The following ATG7 variants were observed in gnomAD, a reference collection of about 807,000 sequenced individuals.
ATG7 encodes the protein ubiquitin-like modifier-activating enzyme ATG7.
ATG7 carries 70 observed loss-of-function variants against 82.4 expected under a neutral mutation model. The ratio of observed to expected loss-of-function variants is 0.85; its 90% CI spans 0.70 to 1.04. The LOEUF is 1.04. Among genes scored for constraint, ATG7 ranks in the 50% least tolerant of loss-of-function variants. ATG7 has a pLI of 0.00. For synonymous variants in ATG7, 287 were observed against 313.0 expected (o/e 0.92, Z 0.88); for missense variants, 792 against 864.3 (o/e 0.92, Z 1.05).
chr3:11,355,229 T>C (rs1436440966), intron 14 of ATG7, among the ~76,000 whole-genome samples: 2 of 152,192 alleles, frequency 1.3e-5, no homozygotes, highest in Non-Finnish European at 2.9e-5. Context: ...GAGTTCTGTA[T>C]ACGGAGTGGA....
At chr3:11,371,025 C>A (rs569052593) in intron 18 of ATG7, among the ~76,000 whole-genome samples, 2 of 151,036 alleles carry the variant, frequency 1.3e-5, no homozygotes, top group Admixed American at 6.6e-5. Flanking sequence ...CTCCTATGTT[C>A]CTATTTGGAG....
chr3:11,369,642 A>G (rs1156709294), intron 18 of ATG7, among the ~76,000 whole-genome samples: 1 of 151,226 alleles, frequency 6.6e-6, no homozygotes, highest in East Asian at 1.9e-4. Context: ...GTATAGGTCT[A>G]ACAATGTCTG....
At chr3:11,469,556 G>A (rs2087213265) in intron 20 of ATG7, among the ~76,000 whole-genome samples, 1 of 152,184 alleles carries the variant, frequency 6.6e-6, no homozygotes, top group African/African-American at 2.4e-5. Flanking sequence ...TCTTAAAGGA[G>A]TGATGATACA....
In ATG7 at chr3:11,514,468, G is replaced by A. The variant is rs2092199892; in HGVS notation, c.2080-40343G>A. ...CTCTGGTGATTTTCCCACCGGGAGA[G>A]GGAGACATGAGATGTGGCTTCCTGT... On this transcript the variant is annotated intron_variant, in intron 20 of 20. Transcript: ENST00000693202. Among the ~76,000 whole-genome samples, 3 of 152,342 alleles carry A rather than the reference G, an allele frequency of 2.0e-5. No individual in the cohort carries two copies. The South Asian group carries it at 6.2e-4, about 32-fold the overall frequency.
chr3:11,548,461 A>G (rs1044207608), intron 20 of ATG7, among the ~76,000 whole-genome samples: 1 of 152,196 alleles, frequency 6.6e-6, no homozygotes, highest in Non-Finnish European at 1.5e-5. Context: ...TTTAAAATAT[A>G]TAAGATATAT....
chr3:11,533,625 T>C (rs929598453), intron 20 of ATG7, among the ~76,000 whole-genome samples: 2 of 150,992 alleles, frequency 1.3e-5, no homozygotes, highest in African/African-American at 4.9e-5. Context: ...GAAAAACTCA[T>C]TAAAAACTGC....
chr3:11,349,801 T>C (rs1486218571), intron 14 of ATG7, among the ~76,000 whole-genome samples: 3 of 152,216 alleles, frequency 2.0e-5, no homozygotes, highest in African/African-American at 7.2e-5. Flanking sequence ...CAAGTCTTCA[T>C]GAAGAAGAAA....
At chr3:11,376,975 A>G (rs1277849916) in intron 18 of ATG7, among the ~76,000 whole-genome samples, 1 of 152,098 alleles carries the variant, frequency 6.6e-6, no homozygotes, top group Non-Finnish European at 1.5e-5. Context: ...TCCTGACCTC[A>G]TCATCCGCCC....
At chr3:11,552,359 T>C (rs2125065709) in intron 20 of ATG7, among the ~76,000 whole-genome samples, 1 of 152,316 alleles carries the variant, frequency 6.6e-6, no homozygotes, top group South Asian at 2.1e-4. Flanking sequence ...TGAGTATTGA[T>C]ATTTTTTAAA....
rs778126169 is a variant in ATG7 at position 11,298,726 on chromosome 3, T to A, written c.31T>A (p.Ser11Thr). ...GGCAGCTACGGGGGATCCTGGACTC[T>A]CTAAACTGCAGTTTGCCCCTTTTAG... MAAATGDPGL[S>T]KLQFAPFSSA... Residue 11 changes from serine (S) to threonine (T), a missense_variant, in exon 4 of 21, where the codon TCT becomes ACT. Coordinates refer to ENST00000693202, the MANE Select transcript of ATG7 (RefSeq NM_001349232.2). 53 of 1,614,096 alleles carry A rather than the reference T, an allele frequency of 3.3e-5. 1 individual carries two copies. The South Asian group carries it at 5.3e-4, about 16-fold the overall frequency.
chr3:11,368,229 T>TAAAAAAAAAA (rs760208581), intron 18 of ATG7, among the ~76,000 whole-genome samples: 1 of 109,340 alleles, frequency 9.1e-6, no homozygotes, highest in African/African-American at 3.4e-5. Flanking sequence ...TTCTTTTACT[T>TAAAAAAAAAA]AAAAAAAAAA....
At chr3:11,426,965 T>C (rs1332252599) in intron 20 of ATG7, 39 bp downstream of exon 20, 1 of 1,517,092 alleles carries the variant, frequency 6.6e-7, no homozygotes, top group East Asian at 2.4e-5. Flanking sequence ...AAGACTGACA[T>C]GCTTAAAACT....
chr3:11,331,714 C>G (rs1419670706), intron 10 of ATG7, among the ~76,000 whole-genome samples: 1 of 152,154 alleles, frequency 6.6e-6, no homozygotes, highest in African/African-American at 2.4e-5. Flanking sequence ...GTAGCCCTCC[C>G]TTCTAGCTGT....
intron 20 of ATG7, among the ~76,000 whole-genome samples, chr3:11,484,547 CTTTTA>C (rs566371820): frequency 1.8e-3 from 270 of 152,116 alleles, no homozygotes; most frequent in African/African-American, 5.9e-3. Context: ...TTTTCTTTTT[CTTTTA>C]TTTTATTATT....
At chr3:11,383,919 TAAAAC>T (rs1051777564) in intron 19 of ATG7, among the ~76,000 whole-genome samples, 6 of 152,250 alleles carry the variant, frequency 3.9e-5, no homozygotes, top group South Asian at 2.1e-4. Flanking sequence ...GTATGAATCT[TAAAAC>T]AACTCCGTAA....
chr3:11,382,990 G>A (rs1395562663), intron 19 of ATG7, among the ~76,000 whole-genome samples: 1 of 152,056 alleles, frequency 6.6e-6, no homozygotes, highest in Admixed American at 6.6e-5. Flanking sequence ...GAGACATTCT[G>A]ATCCTTTAAA....
intron 20 of ATG7, among the ~76,000 whole-genome samples, chr3:11,448,093 A>G (rs1405207940): frequency 2.0e-5 from 3 of 152,054 alleles, no homozygotes; most frequent in Admixed American, 2.0e-4. Flanking sequence ...AGCTTGACTC[A>G]CTCTGCTTTC....
chr3:11,497,324 C>G (rs2090907003), intron 20 of ATG7, among the ~76,000 whole-genome samples: 1 of 126,062 alleles, frequency 7.9e-6, no homozygotes, highest in Non-Finnish European at 1.6e-5. Flanking sequence ...CCAGCCTGGT[C>G]AACATAGTGA....
intron 20 of ATG7, 88 bp downstream of exon 20, chr3:11,427,014 A>G (rs2082418156): frequency 7.0e-7 from 1 of 1,432,826 alleles, no homozygotes; most frequent in African/African-American, 1.5e-5. Context: ...GAAAGCAATT[A>G]ATTTTAATTT....
Sources: allele counts gnomAD v4.1 joint callset (sites outside exome capture counted in the v4.1 genomes callset), GRCh38; gene constraint gnomAD v4.1.1; transcripts MANE v1.5; gene names NCBI Gene and HGNC (gene_info 2026-07-23, HGNC 2026-07-21).